Variants in TSC22D1 observed in about 807,000 individuals in gnomAD.
The protein encoded by TSC22D1 is TSC22 domain family member 1, also known as TSC22 domain family protein 1.
TSC22D1 carries 9 observed loss-of-function variants against 74.2 expected under a neutral mutation model. The observed-to-expected ratio is 0.12, with a 90% CI of 0.07 to 0.21. The LOEUF (loss-of-function observed/expected upper bound fraction) is 0.21, where lower values mean the gene tolerates loss of function less well. Among genes scored for constraint, TSC22D1 ranks in the 10% least tolerant of loss-of-function variants. TSC22D1 has a pLI of 1.00. For synonymous variants in TSC22D1, 586 were observed against 492.5 expected (o/e 1.19, Z -2.51); for missense variants, 1,427 against 1,304.7 (o/e 1.09, Z -1.44).
intron 1 of TSC22D1, among the ~76,000 whole-genome samples, chr13:44,532,295 T>C (rs909686515): frequency 6.6e-6 from 1 of 152,150 alleles, no homozygotes; most frequent in African/African-American, 2.4e-5. Flanking sequence ...CCTAGGAGAA[T>C]CTCAACATGC....
intron 1 of TSC22D1, among the ~76,000 whole-genome samples, chr13:44,517,857 A>ATATATATTTTTTT (rs10627677): frequency 3.1e-4 from 5 of 16,176 alleles, no homozygotes; most frequent in South Asian, 2.3e-3. Flanking sequence ...ATATATATAT[A>ATATATATTTTTTT]TTTTTTTTTT....
intron 1 of TSC22D1, among the ~76,000 whole-genome samples, chr13:44,542,170 T>C (rs1420347028): frequency 6.6e-6 from 1 of 152,100 alleles, no homozygotes; most frequent in Non-Finnish European, 1.5e-5. Flanking sequence ...TAGTTAACTT[T>C]CCAATAGTTT....
In TSC22D1 at chr13:44,476,564, G is replaced by A. The variant is rs1877922236; in HGVS notation, c.2913-40469C>T. The stretch of plus-strand genomic sequence containing the variant: ...ATGAAAAATAAATCTTATACTTGAA[G>A]TCAACCTTTAATTTAAAAATCATAG... On this transcript the variant is annotated intron_variant, in intron 1 of 2. Coordinates refer to ENST00000458659, the MANE Select transcript of TSC22D1 (RefSeq NM_183422.4). 2.6e-5 allele frequency among the ~76,000 whole-genome samples: 4 copies of A among 152,302 alleles called. No individual in the cohort carries two copies. In the South Asian group the frequency reaches 8.3e-4, roughly 32 times the overall value.
chr13:44,492,778 G>GT (rs913829998), intron 1 of TSC22D1, among the ~76,000 whole-genome samples: 15 of 151,750 alleles, frequency 9.9e-5, no homozygotes, highest in African/African-American at 2.4e-4. Context: ...ATTCACAGGG[G>GT]TTTTTTTTCC....
chr13:44,439,935 C>T (rs1490561705), intron 1 of TSC22D1, among the ~76,000 whole-genome samples: 1 of 152,142 alleles, frequency 6.6e-6, no homozygotes, highest in Non-Finnish European at 1.5e-5. Context: ...CTCTTTCTCC[C>T]CCTATCCAAA....
chr13:44,449,886 CATTT>C (rs1471689987), intron 1 of TSC22D1, among the ~76,000 whole-genome samples: 3 of 152,218 alleles, frequency 2.0e-5, no homozygotes, highest in Admixed American at 2.0e-4. Context: ...GATTTACTCG[CATTT>C]ATTTAACAGT....
At chr13:44,548,829 C>T (rs1216799542) in intron 1 of TSC22D1, among the ~76,000 whole-genome samples, 2 of 152,036 alleles carry the variant, frequency 1.3e-5, no homozygotes, top group African/African-American at 2.4e-5. Flanking sequence ...TTCTAGTTTA[C>T]CTGATACATA....
intron 1 of TSC22D1, among the ~76,000 whole-genome samples, chr13:44,496,170 C>T (rs924595240): frequency 1.3e-5 from 2 of 152,074 alleles, no homozygotes; most frequent in African/African-American, 4.8e-5. Context: ...TGGGTATACA[C>T]CTGGGAGTGG....
At chr13:44,483,755 A>C (rs1878299228) in intron 1 of TSC22D1, among the ~76,000 whole-genome samples, 1 of 152,214 alleles carries the variant, frequency 6.6e-6, no homozygotes, top group Non-Finnish European at 1.5e-5. Context: ...GAATAGCTTA[A>C]AACGCCCACA....
rs539841204 is a variant in TSC22D1, at chr13:44,574,541, G to C, written c.1534C>G (p.Leu512Val). The stretch of plus-strand genomic sequence containing the variant: ...ATCTGTTGGAGGGTCACACCTTGGA[G>C]AGCTGGTTGTTGCTGTTGTTGTTGT... ...QQQQQQQQPA[L>V]QGVTLQQMDF... Residue 512 changes from leucine to valine, a missense_variant, in exon 1 of 3, where the codon CTC (leucine) becomes GTC (valine). Physicochemically the swap from Leu to Val is conservative, Grantham distance 32. Around this residue, in one of 3 missense-constraint regions of TSC22D1, gnomAD observed 1,343 missense variants for 1,191.5 expected, o/e 1.13. Transcript: ENST00000458659. The C allele has an allele frequency of 6.2e-7, 1 of 1,614,066 alleles. No individual in the cohort carries two copies. The highest frequency in any genetic ancestry group is 8.5e-7 in the Non-Finnish European group (1 of 1,180,046).
intron 1 of TSC22D1, among the ~76,000 whole-genome samples, chr13:44,510,285 A>G (rs1879656177): frequency 6.6e-6 from 1 of 151,778 alleles, no homozygotes; most frequent in African/African-American, 2.4e-5. Context: ...CCAGCTACTC[A>G]GGAGGCTGAG....
At chr13:44,499,254 A>G (rs181267833) in intron 1 of TSC22D1, among the ~76,000 whole-genome samples, 2 of 152,340 alleles carry the variant, frequency 1.3e-5, no homozygotes, top group East Asian at 1.9e-4. Flanking sequence ...TTTTCAAAGA[A>G]AGTATTCTCT....
chr13:44,534,222 T>A (rs1350182022), intron 1 of TSC22D1, among the ~76,000 whole-genome samples: 1 of 137,174 alleles, frequency 7.3e-6, no homozygotes, highest in East Asian at 2.1e-4. Context: ...TAAGACCCTG[T>A]CTCAAGGAGA....
intron 1 of TSC22D1, among the ~76,000 whole-genome samples, chr13:44,511,351 T>C (rs1228321449): frequency 6.6e-6 from 1 of 152,126 alleles, no homozygotes. Flanking sequence ...CTTCTGCTTT[T>C]CTATAGCTGA....
chr13:44,556,695 G>A (rs1405800706), intron 1 of TSC22D1, among the ~76,000 whole-genome samples: 5 of 151,672 alleles, frequency 3.3e-5, no homozygotes, highest in African/African-American at 1.2e-4. Context: ...GCAAAACCCC[G>A]TCTCTACTAA....
chr13:44,467,548 GA>G (rs1222799724), intron 1 of TSC22D1, among the ~76,000 whole-genome samples: 1 of 149,486 alleles, frequency 6.7e-6, no homozygotes, highest in Non-Finnish European at 1.5e-5. Flanking sequence ...AAATCAGCAA[GA>G]AAAAAAAATA....
At chr13:44,500,999 T>A (rs1184304520) in intron 1 of TSC22D1, among the ~76,000 whole-genome samples, 1 of 152,190 alleles carries the variant, frequency 6.6e-6, no homozygotes, top group Non-Finnish European at 1.5e-5. Context: ...CTGGTATATT[T>A]AATGGCATTG....
At chr13:44,455,417 T>C (rs1251345513) in intron 1 of TSC22D1, among the ~76,000 whole-genome samples, 1 of 152,210 alleles carries the variant, frequency 6.6e-6, no homozygotes, top group Non-Finnish European at 1.5e-5. Flanking sequence ...TGAAAGACTC[T>C]TTTTTAAAGA....
intron 1 of TSC22D1, among the ~76,000 whole-genome samples, chr13:44,488,677 T>C (rs1878564554): frequency 1.3e-5 from 2 of 152,332 alleles, no homozygotes; most frequent in South Asian, 4.1e-4. Context: ...TAAGAAGGTT[T>C]AGCAAAATGG....
Sources: allele counts gnomAD v4.1 joint callset (sites outside exome capture counted in the v4.1 genomes callset), GRCh38; gene constraint gnomAD v4.1.1; regional missense constraint gnomAD v4.1.1; transcripts MANE v1.5; gene names NCBI Gene and HGNC (gene_info 2026-07-23, HGNC 2026-07-21).